POLR3G: variants seen among roughly 807,000 people sequenced by gnomAD.
The protein encoded by POLR3G is RNA polymerase III subunit G.
Under a neutral mutation model 30.1 loss-of-function variants are expected in POLR3G, and 28 were observed. The observed-to-expected ratio is 0.93, with a 90% CI of 0.69 to 1.27. POLR3G has a LOEUF of 1.27. Ranked by LOEUF, POLR3G falls within the 50% of genes most tolerant of loss-of-function variation. The probability of loss-of-function intolerance (pLI) is 0.00; values close to 1 mark genes in which losing one functional copy is unlikely to be tolerated. For synonymous variants in POLR3G, 79 were observed against 82.5 expected (o/e 0.96, Z 0.23); for missense variants, 254 against 264.6 (o/e 0.96, Z 0.28).
At chr5:90,502,377 C>CT (rs3840321) in intron 6 of POLR3G, 51,379 of 896,600 alleles carry the variant, frequency 0.057, 1,048 homozygotes, top group South Asian at 0.12. Context: ...AGTTTTAATG[C>CT]TTTTTTTTTG....
At chr5:90,483,143 CAAAAAAA>C (rs35917267) in intron 1 of POLR3G, among the ~76,000 whole-genome samples, 4 of 101,638 alleles carry the variant, frequency 3.9e-5, no homozygotes, top group Non-Finnish European at 7.5e-5. Context: ...TCCTCCGTCT[CAAAAAAA>C]AAAAAAAAAA....
intron 5 of POLR3G, among the ~76,000 whole-genome samples, chr5:90,498,103 C>G (rs905854554): frequency 1.1e-4 from 16 of 152,124 alleles, no homozygotes; most frequent in African/African-American, 2.4e-5. Flanking sequence ...GAGCAAGACC[C>G]TGACACTCTG....
chr5:90,511,013 T>C (rs371142484), intron 7 of POLR3G, among the ~76,000 whole-genome samples: 7 of 152,138 alleles, frequency 4.6e-5, no homozygotes, highest in African/African-American at 1.2e-4. Flanking sequence ...TGCAAAAATG[T>C]AGTGACTAGT....
intron 4 of POLR3G, among the ~76,000 whole-genome samples, chr5:90,496,614 AGTT>A (rs1752010623): frequency 6.6e-6 from 1 of 152,236 alleles, no homozygotes; most frequent in Non-Finnish European, 1.5e-5. Context: ...AAATAAAAAC[AGTT>A]GTCATAGAAA....
At chr5:90,490,790 A>G (rs561898426) in intron 3 of POLR3G, 1 of 241,956 alleles carries the variant, frequency 4.1e-6, no homozygotes, top group Non-Finnish European at 8.4e-6. Context: ...ATACATTTAT[A>G]TGTGCCTATA....
Position 90,512,169 on chromosome 5 carries a change from G to A in POLR3G, c.*30G>A. 1.5e-6 allele frequency: 2 copies of A among 1,314,320 alleles called. No homozygotes were observed. Among genetic ancestry groups the A allele is most frequent in the Non-Finnish European group, 2.2e-6 (2 of 909,238 alleles). 81.4% of individuals were successfully genotyped at this position (1,314,320 alleles called of 1,614,324 possible). A position where few individuals can be genotyped will look rare whatever the true frequency, so the allele number is the denominator to read the frequency against. ...GAAATTTTTCAAAAAATATTTTTAT[G>A]ATGCAGCTTCTGAACATTTGGACAG... On this transcript the variant is annotated 3_prime_UTR_variant, in exon 8 of 8. Transcript: ENST00000651687.
At chr5:90,499,264 G>A (rs1412118328) in intron 5 of POLR3G, among the ~76,000 whole-genome samples, 1 of 152,044 alleles carries the variant, frequency 6.6e-6, no homozygotes, top group Non-Finnish European at 1.5e-5. Flanking sequence ...AACATTTAAT[G>A]GGCTGGTAGA....
At chr5:90,506,090 T>C (rs1483587125) in intron 6 of POLR3G, among the ~76,000 whole-genome samples, 1 of 151,856 alleles carries the variant, frequency 6.6e-6, no homozygotes, top group East Asian at 1.9e-4. Context: ...TTAGCCAGGC[T>C]TGGTGGTATG....
intron 3 of POLR3G, among the ~76,000 whole-genome samples, chr5:90,490,226 G>T (rs6877613): frequency 0.12 from 18,039 of 150,956 alleles, 1,201 homozygotes; most frequent in African/African-American, 0.18. Flanking sequence ...GGATTAAGGG[G>T]CACTTTATCT....
intron 3 of POLR3G, among the ~76,000 whole-genome samples, chr5:90,493,676 ATTTTTTTTTTTTTTTTTTTTTTTT>A (rs70999488): frequency 0.023 from 1,158 of 51,380 alleles, 21 homozygotes; most frequent in African/African-American, 0.064. Context: ...CCACTATTTA[ATTTTTTTTTTTTTTTTTTTTTTTT>A]TTTTTTTTTT....
Position 90,506,669 on chromosome 5 carries a change from G to C in POLR3G, c.580G>C (p.Glu194Gln). 1 of 1,604,680 alleles carries C rather than the reference G, an allele frequency of 6.2e-7. No homozygotes were observed. Among genetic ancestry groups the C allele is most frequent in the Non-Finnish European group, 8.5e-7 (1 of 1,175,772 alleles). ...EQEEYDEEEQ[E>Q]EENDYINSYF... ...GGAGGAATATGATGAAGAAGAGCAA[G>C]AAGAGGTAATGGTTCATTTGGGGAT... Residue 194 changes from glutamate to glutamine, a missense_variant, in exon 7 of 8, where the codon GAA (glutamate) becomes CAA (glutamine). Glu to Gln is a conservative substitution (Grantham distance 29, BLOSUM62 2). Coordinates refer to ENST00000651687, the MANE Select transcript of POLR3G (RefSeq NM_006467.3).
At chr5:90,504,401 A>C (rs544766754) in intron 6 of POLR3G, among the ~76,000 whole-genome samples, 1 of 151,950 alleles carries the variant, frequency 6.6e-6, no homozygotes, top group Non-Finnish European at 1.5e-5. Context: ...TCTACTAAAA[A>C]TTCAAAAAAA....
intron 6 of POLR3G, among the ~76,000 whole-genome samples, chr5:90,502,735 C>G (rs1240202237): frequency 6.8e-6 from 1 of 147,846 alleles, no homozygotes; most frequent in Non-Finnish European, 1.5e-5. Flanking sequence ...TCTGCGTTTT[C>G]ATTTTATCAC....
At chr5:90,495,826 A>G in intron 4 of POLR3G, 93 bp downstream of exon 4, 1 of 1,432,178 alleles carries the variant, frequency 7.0e-7, no homozygotes, top group Non-Finnish European at 9.2e-7. Context: ...TATTTTTACC[A>G]TAGGAAAACT....
In POLR3G at chr5:90,483,364, GC is replaced by G. The variant is rs373291622; in HGVS notation, c.-43-2159del. On this transcript the variant is annotated intron_variant, in intron 1 of 7. Transcript: ENST00000651687. ...ATCTGAAAATGTTCTCAGTATCATA[GC>G]CATTATGTCAAATCAAATGCCGTGC... 3.0e-3 allele frequency among the ~76,000 whole-genome samples: 453 copies of G among 152,242 alleles called. 3 individuals carry two copies. Among genetic ancestry groups the G allele is most frequent in the African/African-American group, 0.01 (434 of 41,538 alleles).
chr5:90,483,180 T>C (rs996594654), intron 1 of POLR3G, among the ~76,000 whole-genome samples: 7 of 149,908 alleles, frequency 4.7e-5, no homozygotes, highest in African/African-American at 1.7e-4. Flanking sequence ...GATCTCCGAG[T>C]TTTCGGGGAA....
rs756402384 is a variant in POLR3G at position 90,485,527 on chromosome 5, C to G, written c.-41C>G. The G allele has an allele frequency of 7.5e-7, 1 of 1,338,390 alleles. No individual in the cohort carries two copies. Among genetic ancestry groups the G allele is most frequent in the Admixed American group, 1.9e-5 (1 of 52,840 alleles). 82.9% of individuals were successfully genotyped at this position (1,338,390 alleles called of 1,614,324 possible). On this transcript the variant is annotated splice_region_variant and 5_prime_UTR_variant, in exon 2 of 8. Transcript: ENST00000651687. Reference sequence around the variant, plus strand: ...CAGTAAATCGTAATCATTAATAGTGCCTTTCAGAATTTGCCCACTCATCTG... The same window carrying G: ...CAGTAAATCGTAATCATTAATAGTGGCTTTCAGAATTTGCCCACTCATCTG...
At chr5:90,503,576 A>G (rs1213230780) in intron 6 of POLR3G, among the ~76,000 whole-genome samples, 5 of 152,238 alleles carry the variant, frequency 3.3e-5, no homozygotes, top group Non-Finnish European at 7.3e-5. Context: ...CTGTGTTTCC[A>G]TATTGTCTAC....
chr5:90,503,596 C>G (rs1171505872), intron 6 of POLR3G, among the ~76,000 whole-genome samples: 1 of 152,186 alleles, frequency 6.6e-6, no homozygotes, highest in African/African-American at 2.4e-5. Flanking sequence ...CATTTAAACA[C>G]AATTTTCAGG....
Sources: allele counts gnomAD v4.1 joint callset (sites outside exome capture counted in the v4.1 genomes callset), GRCh38; gene constraint gnomAD v4.1.1; transcripts MANE v1.5; gene names NCBI Gene and HGNC (gene_info 2026-07-23, HGNC 2026-07-21).